Variants in PCDHA5 observed in about 807,000 individuals in gnomAD.
PCDHA5 encodes the protein protocadherin alpha 5.
A neutral mutation model predicts 61.6 loss-of-function variants in PCDHA5; 43 were observed. The observed-to-expected ratio is 0.70, with a 90% CI of 0.55 to 0.90. The LOEUF (loss-of-function observed/expected upper bound fraction) is 0.90, where lower values mean the gene tolerates loss of function less well. Ranked by LOEUF, PCDHA5 falls within the 40% of genes least tolerant of loss-of-function variation. The probability of loss-of-function intolerance (pLI) is 0.00; values close to 1 mark genes in which losing one functional copy is unlikely to be tolerated. For missense variants in PCDHA5, 1,298 were observed against 1,222.7 expected (o/e 1.06, Z -0.92); for synonymous variants, 627 against 543.9 (o/e 1.15, Z -2.13).
At chr5:140,848,684 G>C (rs2040546580) in intron 1 of PCDHA5, 1 of 1,592,318 alleles carries the variant, frequency 6.3e-7, no homozygotes, top group African/African-American at 1.3e-5. Flanking sequence ...TGCCGCGCCT[G>C]TTCCAGTTGG....
In PCDHA5 at chr5:140,883,821, A is replaced by T; in HGVS notation, c.2352+59694A>T. ...GTGCACGCGGAGAGCGGCAAGGTGT[A>T]CGCGCTGCAGCCGTTGGACCACGAG... On this transcript the variant is annotated intron_variant, in intron 1 of 3. Transcript: ENST00000529859. 6.2e-7 allele frequency: 1 copy of T among 1,612,450 alleles called. No individual in the cohort carries two copies. The highest frequency in any genetic ancestry group is 8.5e-7 in the Non-Finnish European group (1 of 1,179,756).
rs377328620 is a variant in PCDHA5 at position 140,928,577 on chromosome 5, A to G, written c.2353-50372A>G. On this transcript the variant is annotated intron_variant, in intron 1 of 3. Coordinates refer to ENST00000529859, the MANE Select transcript of PCDHA5 (RefSeq NM_018908.3). ...GTTATCTTGTTTCCCTTGCCCAGAA[A>G]TGGTTCTGTCCCAGTGGAAATTGTG... is the stretch of plus-strand genomic sequence containing the variant. The G allele has an allele frequency of 3.7e-6, 6 of 1,614,070 alleles. No homozygotes were observed. The African/African-American group carries it at 6.7e-5, about 18-fold the overall frequency.
At chr5:140,948,253 AT>A (rs1365335948) in intron 1 of PCDHA5, among the ~76,000 whole-genome samples, 1 of 151,624 alleles carries the variant, frequency 6.6e-6, no homozygotes, top group Non-Finnish European at 1.5e-5. Context: ...ATATTTTTAC[AT>A]CTGTGTTCAT....
chr5:140,967,745 G>A, intron 1 of PCDHA5: 1 of 1,614,184 alleles, frequency 6.2e-7, no homozygotes, highest in Non-Finnish European at 8.5e-7. Flanking sequence ...GGATTATGAG[G>A]AAGCCTCCTC....
chr5:141,009,760 A>G lies in PCDHA5; in HGVS notation c.2634A>G (p.Gly878=), dbSNP rs782167920. The change falls in exon 4 of 4, where the codon GGA becomes GGG. Residue 878 remains glycine, a synonymous_variant. Coordinates refer to ENST00000529859, the MANE Select transcript of PCDHA5 (RefSeq NM_018908.3). ...GELPDKFIIP[G]SPAIISIRQE... ...TGCCCGACAAATTCATTATCCCAGGATCTCCTGCAATCATCTCCATCCGGC... is the reference window on the plus strand; with the variant it reads ...TGCCCGACAAATTCATTATCCCAGGGTCTCCTGCAATCATCTCCATCCGGC... 6.2e-7 allele frequency: 1 copy of G among 1,614,130 alleles called. No homozygotes were observed. Among genetic ancestry groups the G allele is most frequent in the Non-Finnish European group, 8.5e-7 (1 of 1,180,026 alleles).
rs2150411326 is a variant in PCDHA5 at position 140,848,495 on chromosome 5, A to C, written c.2352+24368A>C. On this transcript the variant is annotated intron_variant, in intron 1 of 3. Transcript: ENST00000529859. ...AATTAGAAGAAGACTGAGTATTTGA[A>C]ATGTTATACTCAAGTCGAGGAGATC... is the stretch of plus-strand genomic sequence containing the variant. 86 of 1,576,710 alleles carry C rather than the reference A, an allele frequency of 5.5e-5. 9 individuals are homozygous for C. The highest frequency in any genetic ancestry group is 7.3e-5 in the Non-Finnish European group (84 of 1,155,398).
chr5:140,851,436 G>C, intron 1 of PCDHA5: 2 of 931,614 alleles, frequency 2.1e-6, no homozygotes, highest in East Asian at 2.3e-4. Context: ...TTAGAAAACA[G>C]TTGCTCCACT....
At chr5:140,879,960 C>T (rs781917048) in intron 1 of PCDHA5, among the ~76,000 whole-genome samples, 3 of 152,168 alleles carry the variant, frequency 2.0e-5, no homozygotes, top group Non-Finnish European at 4.4e-5. Flanking sequence ...TCTGGATAAT[C>T]CAGGATAAAC....
chr5:140,898,275 T>C (rs13181478), intron 1 of PCDHA5, among the ~76,000 whole-genome samples: 1 of 152,166 alleles, frequency 6.6e-6, no homozygotes, highest in Non-Finnish European at 1.5e-5. Context: ...ATGCCTAAGT[T>C]CTGAATGGTA....
At chr5:140,995,132 A>G (rs2097665905) in intron 3 of PCDHA5, among the ~76,000 whole-genome samples, 1 of 152,222 alleles carries the variant, frequency 6.6e-6, no homozygotes, top group African/African-American at 2.4e-5. Flanking sequence ...CTGAAACCTC[A>G]TTTAGTACTG....
At chr5:140,824,277 C>A in intron 1 of PCDHA5, 150 bp downstream of exon 1, 1 of 1,143,246 alleles carries the variant, frequency 8.7e-7, no homozygotes, top group Non-Finnish European at 1.3e-6. Context: ...GTATTATATG[C>A]TTTTTATGAG....
intron 1 of PCDHA5, among the ~76,000 whole-genome samples, chr5:140,947,914 GCCTTAAC>G (rs2094192185): frequency 6.6e-6 from 1 of 151,456 alleles, no homozygotes. Context: ...AGACATTCTT[GCCTTAAC>G]CCTGATCTTA....
intron 1 of PCDHA5, among the ~76,000 whole-genome samples, chr5:140,937,621 GAAAA>G (rs1276369305): frequency 1.4e-5 from 2 of 142,038 alleles, no homozygotes; most frequent in Non-Finnish European, 3.1e-5. Context: ...CATCTAAAAA[GAAAA>G]AGAAAGGCAG....
At chr5:140,894,143 T>G (rs1322881071) in intron 1 of PCDHA5, among the ~76,000 whole-genome samples, 1 of 152,158 alleles carries the variant, frequency 6.6e-6, no homozygotes, top group Non-Finnish European at 1.5e-5. Flanking sequence ...ATAATTCCCT[T>G]CTATGTAATT....
intron 1 of PCDHA5, chr5:140,849,576 G>T (rs2150441030): frequency 6.3e-7 from 1 of 1,598,698 alleles, no homozygotes; most frequent in East Asian, 2.2e-5. Context: ...TCCTGTAAAA[G>T]AGGACGCACA....
intron 1 of PCDHA5, chr5:140,864,423 CACAA>C (rs1165677153): frequency 1.8e-4 from 27 of 152,176 alleles, no homozygotes; most frequent in Non-Finnish European, 3.4e-4. Flanking sequence ...CAGCTTCGTC[CACAA>C]ACAATTTTGT....
At chr5:140,906,323 A>C (rs1487570044) in intron 1 of PCDHA5, among the ~76,000 whole-genome samples, 1 of 152,212 alleles carries the variant, frequency 6.6e-6, no homozygotes, top group Admixed American at 6.5e-5. Flanking sequence ...AACATGATAC[A>C]ACTATCCTTC....
intron 1 of PCDHA5, among the ~76,000 whole-genome samples, chr5:140,956,090 C>T (rs964801271): frequency 1.3e-5 from 2 of 152,162 alleles, no homozygotes; most frequent in Non-Finnish European, 2.9e-5. Flanking sequence ...ATGTCATCTG[C>T]AAACAAAGAT....
At chr5:140,884,432 C>T (rs782413139) in intron 1 of PCDHA5, 2 of 1,613,880 alleles carry the variant, frequency 1.2e-6, no homozygotes, top group East Asian at 4.5e-5. Flanking sequence ...TACTGCGCTG[C>T]GGTGCTCGGC....
Sources: gnomAD v4.1 joint callset for allele counts (sites outside exome capture counted in the v4.1 genomes callset) on GRCh38, gnomAD v4.1.1 for gene constraint, MANE v1.5 for transcripts, NCBI Gene and HGNC (gene_info 2026-07-23, HGNC 2026-07-21) for gene names.